ZNF516: variants seen among roughly 807,000 people sequenced by gnomAD.
ZNF516 encodes the protein zinc finger protein 516.
ZNF516 carries 19 observed loss-of-function variants against 79.7 expected under a neutral mutation model. The ratio of observed to expected loss-of-function variants is 0.24; its 90% CI spans 0.17 to 0.35. ZNF516 has a LOEUF of 0.35. Ranked by LOEUF, ZNF516 falls within the 10% of genes least tolerant of loss-of-function variation. The probability of loss-of-function intolerance (pLI) is 1.00; values close to 1 mark genes in which losing one functional copy is unlikely to be tolerated. For missense variants in ZNF516, 1,678 were observed against 1,679.5 expected (o/e 1.00, Z 0.02); for synonymous variants, 877 against 739.5 (o/e 1.19, Z -3.02).
rs118007661 is a variant in ZNF516, at chr18:76,376,740, T to C, written c.3259+2115A>G. 6.7e-3 allele frequency among the ~76,000 whole-genome samples: 1,013 copies of C among 151,012 alleles called. 17 individuals carry two copies. The highest frequency in any genetic ancestry group is 0.039 in the Admixed American group (594 of 15,098). ...GCCTTTAAAAACGGGGGACGGCACT[T>C]TCCAGGTGTGAGCTGGCAGGTTGTT... On this transcript the variant is annotated intron_variant, in intron 4 of 6. Transcript: ENST00000443185.
rs560192709 is a variant in ZNF516, at chr18:76,366,236, G to A, written c.3433-3679C>T. Among the ~76,000 whole-genome samples, 18 of 152,322 alleles carry A rather than the reference G, an allele frequency of 1.2e-4. No individual in the cohort carries two copies. The East Asian group carries it at 3.1e-3, about 26-fold the overall frequency. On this transcript the variant is annotated intron_variant, in intron 6 of 6. Transcript: ENST00000443185. Reference sequence around the variant, plus strand: ...GCAGATTTACCTGGCCCTCGTGCCTGTTGAATTGTTTTGCTGAGATAGACG... The same window carrying A: ...GCAGATTTACCTGGCCCTCGTGCCTATTGAATTGTTTTGCTGAGATAGACG...
intron 1 of ZNF516, among the ~76,000 whole-genome samples, chr18:76,481,855 CAGT>C (rs912109816): frequency 2.8e-4 from 42 of 152,134 alleles, no homozygotes; most frequent in African/African-American, 7.2e-4. Flanking sequence ...TAATGGGAAA[CAGT>C]AATGTTGATA....
chr18:76,369,670 G>C (rs2144925064), intron 6 of ZNF516, among the ~76,000 whole-genome samples: 1 of 152,254 alleles, frequency 6.6e-6, no homozygotes, highest in East Asian at 1.9e-4. Flanking sequence ...CAGACAATTA[G>C]ATATTTCAGC....
chr18:76,483,249 G>A (rs1438687202), intron 1 of ZNF516, among the ~76,000 whole-genome samples: 1 of 152,094 alleles, frequency 6.6e-6, no homozygotes, highest in African/African-American at 2.4e-5. Context: ...GCAACCCGGG[G>A]CAGACACAGC....
intron 3 of ZNF516, among the ~76,000 whole-genome samples, chr18:76,384,824 G>A (rs2074959215): frequency 6.6e-6 from 1 of 152,254 alleles, no homozygotes; most frequent in Middle Eastern, 3.4e-3. Flanking sequence ...GACAGCCCCT[G>A]GGTGGCAGTG....
intron 6 of ZNF516, among the ~76,000 whole-genome samples, chr18:76,368,706 A>G (rs2074657108): frequency 6.6e-6 from 1 of 152,232 alleles, no homozygotes; most frequent in Non-Finnish European, 1.5e-5. Context: ...CATCTTTTCT[A>G]TATCAGAATC....
rs1416633194 is a variant in ZNF516 at position 76,374,332 on chromosome 18, T to G, written c.3260-2761A>C. On this transcript the variant is annotated intron_variant, in intron 4 of 6. Coordinates refer to ENST00000443185, the MANE Select transcript of ZNF516 (RefSeq NM_014643.4). ...TATTACTGTTGTAGCAATAAGTCAT[T>G]TATGTTCTATTCCTGTATGTTTATA... Among the ~76,000 whole-genome samples the G allele has an allele frequency of 3.9e-5, 6 of 152,232 alleles. No homozygotes were observed. The East Asian group carries it at 1.2e-3, about 29-fold the overall frequency.
chr18:76,421,512 G>A (rs1161300375), intron 3 of ZNF516, among the ~76,000 whole-genome samples: 2 of 152,208 alleles, frequency 1.3e-5, no homozygotes, highest in Non-Finnish European at 2.9e-5. Context: ...TTCTGTGTTT[G>A]CAAAGCTGCC....
rs1401524016 is a variant in ZNF516, at chr18:76,442,243, C to A, written c.812G>T (p.Arg271Leu). 5 of 1,613,688 alleles carry A rather than the reference C, an allele frequency of 3.1e-6. No individual in the cohort carries two copies. The highest frequency in any genetic ancestry group is 1.1e-5 in the South Asian group (1 of 91,082). ...WFLKAHMKKH[R>L]GSFDHGCHIC... ...GTGGCAGCCGTGGTCGAAGGAGCCC[C>A]GGTGCTTCTTCATGTGCGCCTTCAG... Residue 271 changes from arginine to leucine, a missense_variant, in exon 3 of 7, where the codon CGG (arginine) becomes CTG (leucine). Coordinates refer to ENST00000443185, the MANE Select transcript of ZNF516 (RefSeq NM_014643.4).
chr18:76,436,178 C>T (rs954863869), intron 3 of ZNF516, among the ~76,000 whole-genome samples: 1 of 152,210 alleles, frequency 6.6e-6, no homozygotes, highest in African/African-American at 2.4e-5. Context: ...TTACCTTTAC[C>T]CATTCTGCAA....
At chr18:76,469,475 A>G (rs1375459466) in intron 1 of ZNF516, among the ~76,000 whole-genome samples, 2 of 152,186 alleles carry the variant, frequency 1.3e-5, no homozygotes, top group Admixed American at 6.5e-5. Context: ...CCAAAGACCT[A>G]ATAATAGTTT....
chr18:76,436,595 G>A (rs759490551), intron 3 of ZNF516, among the ~76,000 whole-genome samples: 1 of 152,100 alleles, frequency 6.6e-6, no homozygotes, highest in Non-Finnish European at 1.5e-5. Flanking sequence ...AGTGCGCGAA[G>A]GTATTGTGAG....
intron 6 of ZNF516, among the ~76,000 whole-genome samples, chr18:76,368,241 T>C (rs1052120690): frequency 6.6e-6 from 1 of 152,200 alleles, no homozygotes; most frequent in African/African-American, 2.4e-5. Flanking sequence ...CTATTACTGA[T>C]GTGTTTTGCA....
At chr18:76,460,144 G>C (rs776995258) in intron 2 of ZNF516, among the ~76,000 whole-genome samples, 9 of 152,180 alleles carry the variant, frequency 5.9e-5, no homozygotes, top group Non-Finnish European at 1.2e-4. Context: ...GAAACATGCG[G>C]AACTCCGATG....
rs755415010 is a variant in ZNF516, at chr18:76,470,453, C to T, written c.-271-7312G>A. Among the ~76,000 whole-genome samples the T allele has an allele frequency of 2.0e-4, 30 of 152,154 alleles. 1 individual carries two copies. Among genetic ancestry groups the T allele is most frequent in the Non-Finnish European group, 3.8e-4 (26 of 68,040 alleles). On this transcript the variant is annotated intron_variant, in intron 1 of 6. Transcript: ENST00000443185. ...AAGTGATCTTACATGCAACATTTAG[C>T]GGACACTGCACTGTTCTGATCCAAG...
intron 1 of ZNF516, among the ~76,000 whole-genome samples, chr18:76,489,393 C>T (rs973150250): frequency 2.2e-4 from 34 of 152,118 alleles, no homozygotes; most frequent in Non-Finnish European, 3.5e-4. Flanking sequence ...TTTTCACATA[C>T]GTTGCTAAAC....
intron 4 of ZNF516, among the ~76,000 whole-genome samples, chr18:76,373,070 A>C (rs1260472657): frequency 2.0e-5 from 3 of 152,202 alleles, no homozygotes; most frequent in Non-Finnish European, 4.4e-5. Context: ...GGATCACTTG[A>C]GCTCAGGAGG....
intron 3 of ZNF516, among the ~76,000 whole-genome samples, chr18:76,402,729 A>G (rs2145228383): frequency 6.6e-6 from 1 of 152,318 alleles, no homozygotes; most frequent in East Asian, 1.9e-4. Context: ...CTCTCACGTG[A>G]TTTCTCCTCT....
At chr18:76,455,671 C>T (rs1029778370) in intron 2 of ZNF516, among the ~76,000 whole-genome samples, 10 of 152,222 alleles carry the variant, frequency 6.6e-5, no homozygotes, top group African/African-American at 2.4e-4. Context: ...ACCACAGAAA[C>T]AAGTACCTGG....
Sources: gnomAD v4.1 joint callset for allele counts (sites outside exome capture counted in the v4.1 genomes callset) on GRCh38, gnomAD v4.1.1 for gene constraint, MANE v1.5 for transcripts, NCBI Gene and HGNC (gene_info 2026-07-23, HGNC 2026-07-21) for gene names.